ZZEF1: variants seen among roughly 807,000 people sequenced by gnomAD.
ZZEF1 encodes the protein zinc finger ZZ-type and EF-hand domain-containing protein 1.
In ZZEF1, 157 loss-of-function variants were observed where a neutral mutation model predicts 342.8. The observed-to-expected ratio is 0.46, with a 90% CI of 0.40 to 0.52. The LOEUF is 0.52. Among genes scored for constraint, ZZEF1 ranks in the 20% least tolerant of loss-of-function variants. The pLI is 0.00. For synonymous variants in ZZEF1, 1,505 were observed against 1,429.1 expected, an observed-to-expected ratio of 1.05 and a Z score of -1.20; for missense variants, 3,480 against 3,725.6, an observed-to-expected ratio of 0.93 and a Z score of 1.72.
chr17:4,136,099 T>C (rs1400741276), intron 1 of ZZEF1, among the ~76,000 whole-genome samples: 1 of 148,626 alleles, frequency 6.7e-6, no homozygotes, highest in Non-Finnish European at 1.5e-5. Flanking sequence ...CAAGCGATTC[T>C]CCTGCCTCAG....
chr17:4,044,102 TGA>T (rs2056858726), intron 38 of ZZEF1, 120 bp downstream of exon 38: 4 of 1,074,216 alleles, frequency 3.7e-6, no homozygotes, highest in Admixed American at 2.3e-5. Context: ...TGAACAGAAC[TGA>T]GAAACCACGC....
At position 4,006,621 on chromosome 17, in the gene ZZEF1, GGTCTCTGAA is replaced by G. The variant is rs2055806386; in HGVS notation, c.*260_*268del. ...GCAGTGACAGCCTCTGGAGAAGGCT[GGTCTCTGAA>G]CCTTCTTAAGGGCCCCCTGCCCACC... is the stretch of plus-strand genomic sequence containing the variant. On this transcript the variant is annotated 3_prime_UTR_variant, in exon 55 of 55. Transcript: ENST00000381638. 4.1e-6 allele frequency: 2 copies of G among 493,588 alleles called. No homozygotes were observed. Among genetic ancestry groups the G allele is most frequent in the Non-Finnish European group, 7.4e-6 (2 of 271,718 alleles). 30.6% of individuals were successfully genotyped at this position (493,588 alleles called of 1,614,324 possible).
chr17:4,036,665 A>G lies in ZZEF1; in HGVS notation c.6307-2373T>C, dbSNP rs971032311. On this transcript the variant is annotated intron_variant, in intron 39 of 54. Transcript: ENST00000381638. ...GAGAATCACTTGAACCGGGAGGCGG[A>G]GGTTGCAGTGAGCAGAGATTGCACC... Among the ~76,000 whole-genome samples, 4 of 151,392 alleles carry G rather than the reference A, an allele frequency of 2.6e-5. No individual in the cohort carries two copies. In the East Asian group the frequency reaches 7.7e-4, roughly 29 times the overall value.
chr17:4,112,807 A>T lies in ZZEF1; in HGVS notation c.868T>A (p.Leu290Ile). ...DGSACSHWIRLKMKPDVVLRH... is the reference protein window; with the variant it reads ...DGSACSHWIRIKMKPDVVLRH... Reference sequence around the variant, plus strand: ...AGCACAACATCTGGCTTCATTTTTAAACTGGAAAACACAAAAAGCAGAAAT... The same window carrying T: ...AGCACAACATCTGGCTTCATTTTTATACTGGAAAACACAAAAAGCAGAAAT... The change falls in exon 5 of 55, where the codon TTA becomes ATA. Residue 290 changes from leucine to isoleucine, a missense_variant and splice_region_variant. Transcript: ENST00000381638. 6.4e-7 allele frequency: 1 copy of T among 1,554,232 alleles called. No individual in the cohort carries two copies. Among genetic ancestry groups the T allele is most frequent in the South Asian group, 1.2e-5 (1 of 82,644 alleles).
At chr17:4,011,668 T>C (rs187110509) in intron 52 of ZZEF1, among the ~76,000 whole-genome samples, 80 of 152,208 alleles carry the variant, frequency 5.3e-4, no homozygotes, top group Non-Finnish European at 9.4e-4. Flanking sequence ...TATATGGCCA[T>C]ATATAATTAT....
chr17:4,133,256 T>C (rs9905309), intron 1 of ZZEF1, among the ~76,000 whole-genome samples: 23,543 of 151,470 alleles, frequency 0.16, 2,000 homozygotes, highest in African/African-American at 0.22. Flanking sequence ...TTATATACTA[T>C]AATGTCATTT....
intron 13 of ZZEF1, among the ~76,000 whole-genome samples, chr17:4,088,161 T>C (rs1296235994): frequency 6.6e-6 from 1 of 152,194 alleles, no homozygotes; most frequent in Non-Finnish European, 1.5e-5. Context: ...CCCGAGGCTA[T>C]GGTGATGGCT....
In ZZEF1 at chr17:4,087,783, AACACACACACACACACACACACACAC is replaced by A. The variant is rs10522603; in HGVS notation, c.2242-275_2242-250del. Among the ~76,000 whole-genome samples the A allele has an allele frequency of 8.7e-3, 1,273 of 146,084 alleles. 14 individuals are homozygous for A. The highest frequency in any genetic ancestry group is 0.032 in the African/African-American group (1,215 of 38,234). Reference sequence around the variant, plus strand: ...TAAGTGTATATAGATATATACACACAACACACACACACACACACACACACACACACACACACACACACATCCATGAA... The same window carrying A: ...TAAGTGTATATAGATATATACACACAACACACACACACACACATCCATGAA... On this transcript the variant is annotated intron_variant, in intron 13 of 54. Coordinates refer to ENST00000381638, the MANE Select transcript of ZZEF1 (RefSeq NM_015113.4).
intron 45 of ZZEF1, among the ~76,000 whole-genome samples, chr17:4,020,521 G>A (rs1039040495): frequency 6.6e-6 from 1 of 151,134 alleles, no homozygotes; most frequent in Non-Finnish European, 1.5e-5. Flanking sequence ...ATTTTTTGTA[G>A]AGGCAGGGTC....
intron 26 of ZZEF1, among the ~76,000 whole-genome samples, chr17:4,069,143 C>G (rs769107449): frequency 6.6e-6 from 1 of 152,252 alleles, no homozygotes; most frequent in Non-Finnish European, 1.5e-5. Flanking sequence ...TATCTGAACA[C>G]AGCCTGAAGT....
At chr17:4,067,125 C>A in intron 27 of ZZEF1, 38 bp downstream of exon 27, 1 of 1,568,672 alleles carries the variant, frequency 6.4e-7, no homozygotes, top group Non-Finnish European at 8.7e-7. Context: ...GGTAGAAAAC[C>A]TAAAATATAG....
At chr17:4,111,066 C>T (rs574121074) in intron 5 of ZZEF1, among the ~76,000 whole-genome samples, 2 of 149,686 alleles carry the variant, frequency 1.3e-5, no homozygotes, top group East Asian at 1.9e-4. Context: ...ATATAACACA[C>T]TCTAAAAAAT....
Position 4,021,272 on chromosome 17 carries a change from C to T in ZZEF1, c.7261G>A (p.Ala2421Thr), listed in dbSNP as rs781861. 20,512 of 1,614,016 alleles carry T rather than the reference C, an allele frequency of 0.013. 2,211 individuals carry two copies. In the African/African-American group the frequency reaches 0.24, roughly 19 times the overall value. The part of the protein sequence containing the change: ...YSSKKEINAL[A>T]EHGDLELDER... ...TCCAGCTCTAGGTCTCCGTGCTCAGCCAAAGCGTTGATCTCCTTTTTTGAG... is the reference window on the plus strand; with the variant it reads ...TCCAGCTCTAGGTCTCCGTGCTCAGTCAAAGCGTTGATCTCCTTTTTTGAG... The change falls in exon 45 of 55, where the codon GCT (alanine) becomes ACT (threonine). Residue 2421 changes from alanine to threonine, a missense_variant. Physicochemically the swap from Ala to Thr is moderately conservative, Grantham distance 58 (BLOSUM62 0). Coordinates refer to ENST00000381638, the MANE Select transcript of ZZEF1 (RefSeq NM_015113.4).
At position 4,088,029 on chromosome 17, in the gene ZZEF1, G is replaced by A. The variant is rs147149753; in HGVS notation, c.2242-495C>T. 2.3e-4 allele frequency among the ~76,000 whole-genome samples: 35 copies of A among 152,178 alleles called. 1 individual carries two copies. The East Asian group carries it at 4.1e-3, about 18-fold the overall frequency. ...TACTGTGATAGGAGGTCTGAATAAC[G>A]AAGACCAAACAAACCTTATATGAAC... On this transcript the variant is annotated intron_variant, in intron 13 of 54. Coordinates refer to ENST00000381638, the MANE Select transcript of ZZEF1 (RefSeq NM_015113.4).
chr17:4,141,238 C>A (rs922142808), intron 1 of ZZEF1, among the ~76,000 whole-genome samples: 3 of 152,152 alleles, frequency 2.0e-5, no homozygotes, highest in African/African-American at 7.2e-5. Flanking sequence ...GTTGGGATGC[C>A]TTAAAGGTAC....
chr17:4,051,221 C>A (rs1176212797), intron 35 of ZZEF1, among the ~76,000 whole-genome samples, 178 bp from the exon 36 acceptor site: 1 of 152,128 alleles, frequency 6.6e-6, no homozygotes, highest in Non-Finnish European at 1.5e-5. Context: ...AATGAAGAAA[C>A]ACAAACACAG....
intron 1 of ZZEF1, among the ~76,000 whole-genome samples, chr17:4,141,049 C>G (rs12938796): frequency 0.13 from 20,076 of 151,972 alleles, 1,559 homozygotes; most frequent in East Asian, 0.17. Flanking sequence ...GCTGGGATTA[C>G]AGGCACCCGC....
chr17:4,102,386 A>G lies in ZZEF1; in HGVS notation c.1603T>C (p.Cys535Arg), dbSNP rs2058141349. The G allele has an allele frequency of 6.2e-7, 1 of 1,613,718 alleles. No homozygotes were observed. The highest frequency in any genetic ancestry group is 8.5e-7 in the Non-Finnish European group (1 of 1,179,698). The part of the protein sequence containing the change: ...GKPLQLTLQA[C>R]DVKGKEDKSG... The stretch of plus-strand genomic sequence containing the variant: ...TTATCTTCTTTTCCTTTGACATCAC[A>G]TGCCTGAAGAGTCAACTGGAGAGGT... The change falls in exon 9 of 55, where the codon TGT becomes CGT. Residue 535 changes from cysteine (C) to arginine (R), a missense_variant. Cys to Arg is a radical substitution (Grantham distance 180, BLOSUM62 -3). This residue lies in a region of ZZEF1 where 1,528 missense variants were observed against 1,624.1 expected (regional missense o/e 0.94). Transcript: ENST00000381638.
At chr17:4,141,374 A>G (rs950009626) in intron 1 of ZZEF1, among the ~76,000 whole-genome samples, 1 of 152,236 alleles carries the variant, frequency 6.6e-6, no homozygotes, top group Non-Finnish European at 1.5e-5. Context: ...CACTGCAAGT[A>G]CCCGCTGGTT....
Sources: gnomAD v4.1 joint callset for allele counts (sites outside exome capture counted in the v4.1 genomes callset) on GRCh38, gnomAD v4.1.1 for gene constraint, gnomAD v4.1.1 regional missense constraint, MANE v1.5 for transcripts, NCBI Gene and HGNC (gene_info 2026-07-23, HGNC 2026-07-21) for gene names.